Variants in CPNE8 observed in about 807,000 individuals in gnomAD.
CPNE8 encodes copine-8.
CPNE8 carries 45 observed loss-of-function variants against 81.5 expected under a neutral mutation model. The observed-to-expected ratio is 0.55, with a 90% CI of 0.44 to 0.71. The LOEUF (loss-of-function observed/expected upper bound fraction) is 0.71. CPNE8 is among the 30% of genes least tolerant of loss of function. The pLI is 0.00. For synonymous variants in CPNE8, 252 were observed against 226.3 expected, an observed-to-expected ratio of 1.11 and a Z score of -1.02; for missense variants, 594 against 672.1, an observed-to-expected ratio of 0.88 and a Z score of 1.28.
chr12:38,846,808 G>A (rs1943566177), intron 4 of CPNE8, among the ~76,000 whole-genome samples: 1 of 151,986 alleles, frequency 6.6e-6, no homozygotes, highest in East Asian at 1.9e-4. Context: ...ACTACAAAAA[G>A]ATTTGCATCC....
chr12:38,742,422 C>A (rs545552686), intron 10 of CPNE8, among the ~76,000 whole-genome samples: 48 of 151,452 alleles, frequency 3.2e-4, no homozygotes, highest in African/African-American at 1.1e-3. Context: ...AGCAAACTAT[C>A]GTAAGGACAA....
At position 38,653,399 on chromosome 12, in the gene CPNE8, G is replaced by A. The variant is rs1938744079; in HGVS notation, c.*483C>T. ...TCATTCAAAGAGATATTGCTCTTGTGATTATAGCTATTGCAATTTAGAAGA... is the reference window on the plus strand; with the variant it reads ...TCATTCAAAGAGATATTGCTCTTGTAATTATAGCTATTGCAATTTAGAAGA... On this transcript the variant is annotated 3_prime_UTR_variant, in exon 20 of 20. Coordinates refer to ENST00000331366, the MANE Select transcript of CPNE8 (RefSeq NM_153634.3). 6.6e-6 allele frequency: 1 copy of A among 152,630 alleles called. No homozygotes were observed. The highest frequency in any genetic ancestry group is 1.5e-5 in the Non-Finnish European group (1 of 68,070). The allele number at this position is 152,630 out of a possible 1,614,324, so 9.5% of individuals were successfully genotyped here. A position where few individuals can be genotyped will look rare whatever the true frequency, so the allele number is the denominator to read the frequency against.
intron 1 of CPNE8, 145 bp from the exon 2 acceptor site, chr12:38,874,656 T>C (rs1288722876): frequency 4.0e-6 from 2 of 493,834 alleles, no homozygotes; most frequent in Admixed American, 7.5e-5. Flanking sequence ...TATGACTAAA[T>C]AAACATGTCC....
intron 10 of CPNE8, among the ~76,000 whole-genome samples, chr12:38,739,103 C>T (rs528521438): frequency 3.9e-5 from 6 of 152,190 alleles, no homozygotes; most frequent in Non-Finnish European, 8.8e-5. Flanking sequence ...TGAGCTGCCA[C>T]GCCCAGCCTA....
intron 7 of CPNE8, among the ~76,000 whole-genome samples, chr12:38,771,987 G>A (rs2136879453): frequency 6.6e-6 from 1 of 152,314 alleles, no homozygotes. Context: ...GGGGCCCCAT[G>A]GAAGGTGTTT....
chr12:38,888,940 T>G (rs1190032704), intron 1 of CPNE8, among the ~76,000 whole-genome samples: 2 of 152,258 alleles, frequency 1.3e-5, no homozygotes, highest in Non-Finnish European at 2.9e-5. Context: ...TCTACTAACG[T>G]TCCTTTCTTC....
chr12:38,807,661 C>T (rs1942841393), intron 6 of CPNE8, among the ~76,000 whole-genome samples: 1 of 151,390 alleles, frequency 6.6e-6, no homozygotes, highest in Non-Finnish European at 1.5e-5. Flanking sequence ...AGAAGAAAAC[C>T]TAGGCATTAC....
chr12:38,740,200 G>C (rs979611848), intron 10 of CPNE8, among the ~76,000 whole-genome samples: 13 of 152,124 alleles, frequency 8.5e-5, no homozygotes, highest in African/African-American at 3.1e-4. Flanking sequence ...CTCTCTGTTT[G>C]TCTGTTATTG....
intron 6 of CPNE8, among the ~76,000 whole-genome samples, chr12:38,787,037 T>C (rs1942208750): frequency 2.6e-5 from 4 of 152,144 alleles, no homozygotes; most frequent in Admixed American, 2.0e-4. Flanking sequence ...TTTCCAGGAC[T>C]GGACAGATCT....
At chr12:38,873,076 A>T in intron 2 of CPNE8, 26 bp from the exon 3 acceptor site, 2 of 1,386,274 alleles carry the variant, frequency 1.4e-6, no homozygotes, top group Non-Finnish European at 2.0e-6. Flanking sequence ...AAATACGCAC[A>T]TATAAATGTC....
At chr12:38,839,199 A>G (rs1340923923) in intron 5 of CPNE8, among the ~76,000 whole-genome samples, 1 of 152,108 alleles carries the variant, frequency 6.6e-6, no homozygotes, top group Non-Finnish European at 1.5e-5. Context: ...TCACAGGTCA[A>G]TAAACAAGTT....
chr12:38,715,044 C>A (rs1251079155), intron 13 of CPNE8, among the ~76,000 whole-genome samples: 1 of 152,012 alleles, frequency 6.6e-6, no homozygotes, highest in Non-Finnish European at 1.5e-5. Flanking sequence ...GAGTAAAAAA[C>A]CAACAACATT....
intron 19 of CPNE8, among the ~76,000 whole-genome samples, chr12:38,662,293 G>A (rs757022004): frequency 6.6e-6 from 1 of 152,042 alleles, no homozygotes. Context: ...GAACTAATAA[G>A]TGAATTCAGA....
At chr12:38,902,333 AAAGAAAG>A (rs1395686059) in intron 1 of CPNE8, among the ~76,000 whole-genome samples, 21 of 77,300 alleles carry the variant, frequency 2.7e-4, no homozygotes, top group Admixed American at 2.6e-3. Context: ...AGAAAGAAAG[AAAGAAAG>A]AAAGAAAGAA....
At chr12:38,887,854 G>A (rs1944258051) in intron 1 of CPNE8, among the ~76,000 whole-genome samples, 1 of 152,144 alleles carries the variant, frequency 6.6e-6, no homozygotes, top group African/African-American at 2.4e-5. Context: ...CAACACTTGA[G>A]ATTATATATC....
chr12:38,785,325 A>G (rs909310159), intron 6 of CPNE8, among the ~76,000 whole-genome samples: 6 of 152,120 alleles, frequency 3.9e-5, no homozygotes, highest in Non-Finnish European at 4.4e-5. Flanking sequence ...GTGTAAAATA[A>G]TCTTAAGTAG....
rs1565666656 is a variant in CPNE8 at position 38,894,694 on chromosome 12, TC to T, written c.98+10742del. Among the ~76,000 whole-genome samples the T allele has an allele frequency of 3.5e-3, 356 of 101,454 alleles. 2 individuals carry two copies. Among genetic ancestry groups the T allele is most frequent in the African/African-American group, 9.5e-3 (335 of 35,418 alleles). The allele number at this position is 101,454 out of a possible 152,430, so 66.6% of individuals were successfully genotyped here. ...CTCTCTCTCTCTCTCTCTCTCTCTC[TC>T]TCTCTCTCTCTCTCTCATATTCTTT... On this transcript the variant is annotated intron_variant, in intron 1 of 19. Coordinates refer to ENST00000331366, the MANE Select transcript of CPNE8 (RefSeq NM_153634.3).
chr12:38,793,802 C>T (rs1180187525), intron 6 of CPNE8, among the ~76,000 whole-genome samples: 2 of 151,966 alleles, frequency 1.3e-5, no homozygotes, highest in African/African-American at 4.8e-5. Context: ...TTAGAAAACT[C>T]ACACTTCAAG....
intron 14 of CPNE8, among the ~76,000 whole-genome samples, chr12:38,696,862 A>G (rs1441310404): frequency 1.3e-5 from 2 of 152,140 alleles, no homozygotes; most frequent in African/African-American, 4.8e-5. Flanking sequence ...CCTAGGCAAC[A>G]TGGCAAAATC....
Sources: allele counts gnomAD v4.1 joint callset (sites outside exome capture counted in the v4.1 genomes callset), GRCh38; gene constraint gnomAD v4.1.1; transcripts MANE v1.5; gene names NCBI Gene and HGNC (gene_info 2026-07-23, HGNC 2026-07-21).